ATRNL1: variants seen among roughly 807,000 people sequenced by gnomAD.
ATRNL1 encodes the protein attractin like 1.
ATRNL1 carries 95 observed loss-of-function variants against 182.7 expected under a neutral mutation model. The observed-to-expected ratio is 0.52, with a 90% CI of 0.44 to 0.62. The LOEUF is 0.62. ATRNL1 is among the 20% of genes least tolerant of loss of function. The pLI, the probability that ATRNL1 is intolerant of heterozygous loss-of-function variation, is 0.00. For missense variants in ATRNL1, 1,471 were observed against 1,679.5 expected (o/e 0.88, Z 2.17); for synonymous variants, 576 against 568.3 (o/e 1.01, Z -0.19).
chr10:115,764,050 G>A (rs960495950), intron 27 of ATRNL1, among the ~76,000 whole-genome samples: 3 of 152,128 alleles, frequency 2.0e-5, no homozygotes, highest in Non-Finnish European at 2.9e-5. Context: ...ACAGGTACTA[G>A]TATTTGTGTT....
intron 13 of ATRNL1, among the ~76,000 whole-genome samples, chr10:115,278,998 C>G (rs998015580): frequency 6.6e-6 from 1 of 151,736 alleles, no homozygotes; most frequent in African/African-American, 2.4e-5. Flanking sequence ...GTCAGGAGAT[C>G]GAGACCATCC....
rs74519902 is a variant in ATRNL1 at position 115,605,821 on chromosome 10, A to G, written c.3795+56285A>G. On this transcript the variant is annotated intron_variant, in intron 26 of 28. Transcript: ENST00000355044. ...ACAGAGTGCGATCAGTCTACAAATA[A>G]TAATAATAATAATAATAATTCAATC... Among the ~76,000 whole-genome samples, 10 of 151,920 alleles carry G rather than the reference A, an allele frequency of 6.6e-5. No individual in the cohort carries two copies. The South Asian group carries it at 2.1e-3, about 31-fold the overall frequency.
chr10:115,346,234 T>C (rs1200720732), intron 19 of ATRNL1, among the ~76,000 whole-genome samples: 2 of 152,172 alleles, frequency 1.3e-5, no homozygotes, highest in Non-Finnish European at 2.9e-5. Flanking sequence ...AATCTGAAAC[T>C]CTATAACCAT....
At chr10:115,700,106 G>A (rs1216295926) in intron 26 of ATRNL1, among the ~76,000 whole-genome samples, 1 of 152,108 alleles carries the variant, frequency 6.6e-6, no homozygotes, top group Admixed American at 6.6e-5. Context: ...CACTTAAGTT[G>A]ACTCAATGTC....
At chr10:115,895,916 C>T (rs978873153) in intron 28 of ATRNL1, among the ~76,000 whole-genome samples, 9 of 152,132 alleles carry the variant, frequency 5.9e-5, no homozygotes, top group Non-Finnish European at 1.3e-4. Context: ...GGGGAAAGAA[C>T]ATATATGAAT....
chr10:115,352,967 C>T (rs1042237058), intron 19 of ATRNL1, among the ~76,000 whole-genome samples: 2 of 152,166 alleles, frequency 1.3e-5, no homozygotes, highest in Admixed American at 1.3e-4. Context: ...TTTGTTGAGA[C>T]TATCTTCCTG....
intron 27 of ATRNL1, among the ~76,000 whole-genome samples, chr10:115,833,690 G>T (rs1185348907): frequency 1.3e-5 from 2 of 152,114 alleles, no homozygotes; most frequent in African/African-American, 4.8e-5. Context: ...CCATTTTACA[G>T]ATGAGGAAAT....
At chr10:115,724,671 A>G (rs549698323) in intron 26 of ATRNL1, among the ~76,000 whole-genome samples, 1 of 152,294 alleles carries the variant, frequency 6.6e-6, no homozygotes, top group South Asian at 2.1e-4. Flanking sequence ...GTATAGGCGT[A>G]GTGTAGGTAC....
In ATRNL1 at chr10:115,468,593, C is replaced by A. The variant is rs192683315; in HGVS notation, c.3497-579C>A. Among the ~76,000 whole-genome samples, 218 of 150,844 alleles carry A rather than the reference C, an allele frequency of 1.4e-3. 1 individual carries two copies. The highest frequency in any genetic ancestry group is 4.6e-3 in the African/African-American group (191 of 41,378). On this transcript the variant is annotated intron_variant, in intron 23 of 28. Transcript: ENST00000355044. ...TTTATTCAGCACTCTATGTGTTTAA[C>A]CAATTGAGCATTTAGCTCATGTTTT...
At chr10:115,684,694 G>A (rs1946162308) in intron 26 of ATRNL1, among the ~76,000 whole-genome samples, 1 of 151,414 alleles carries the variant, frequency 6.6e-6, no homozygotes, top group Admixed American at 6.6e-5. Context: ...CTGAATCTTA[G>A]CATCCTTATC....
rs558273141 is a variant in ATRNL1 at position 115,819,882 on chromosome 10, C to A, written c.3904-27995C>A. 3 of 150,478 alleles carry A rather than the reference C, an allele frequency of 2.0e-5. No homozygotes were observed. The South Asian group carries it at 6.3e-4, about 32-fold the overall frequency. The allele number at this position is 150,478 out of a possible 1,614,324, so 9.3% of individuals were successfully genotyped here. Reference sequence around the variant, plus strand: ...CTTCATTCACGTATAAACTAGAATTCTATTTCCAAGAAATAAGTCAAAAAA... The same window carrying A: ...CTTCATTCACGTATAAACTAGAATTATATTTCCAAGAAATAAGTCAAAAAA... On this transcript the variant is annotated intron_variant, in intron 27 of 28. Transcript: ENST00000355044.
chr10:115,713,072 T>C (rs1310792655), intron 26 of ATRNL1, among the ~76,000 whole-genome samples: 1 of 152,110 alleles, frequency 6.6e-6, no homozygotes, highest in East Asian at 1.9e-4. Context: ...CTTATTTTGC[T>C]GTGGCTGTTG....
At chr10:115,167,205 AT>A (rs1432100873) in intron 7 of ATRNL1, among the ~76,000 whole-genome samples, 4 of 139,874 alleles carry the variant, frequency 2.9e-5, no homozygotes, top group Non-Finnish European at 3.1e-5. Context: ...TCCTTTGACC[AT>A]GTATATGAGG....
chr10:115,110,022 C>G (rs1412602239), intron 1 of ATRNL1, among the ~76,000 whole-genome samples: 1 of 152,036 alleles, frequency 6.6e-6, no homozygotes, highest in Non-Finnish European at 1.5e-5. Context: ...TAAAATCAAA[C>G]TAATCTGTAC....
Position 115,851,117 on chromosome 10 carries a change from T to TA in ATRNL1, c.4018+3130dup, listed in dbSNP as rs1555100393. Among the ~76,000 whole-genome samples, 640 of 66,262 alleles carry TA rather than the reference T, an allele frequency of 9.7e-3. 3 individuals carry two copies. The highest frequency in any genetic ancestry group is 0.076 in the Middle Eastern group (9 of 118). The allele number at this position is 66,262 out of a possible 152,430, so 43.5% of individuals were successfully genotyped here. A position where few individuals can be genotyped will look rare whatever the true frequency, so the allele number is the denominator to read the frequency against. On this transcript the variant is annotated intron_variant, in intron 28 of 28. Transcript: ENST00000355044. ...GCTCCTTGTTTGAAATGTAGCTTAC[T>TA]AAAATTTTTTTTTTATCAGGCTCCT...
intron 27 of ATRNL1, among the ~76,000 whole-genome samples, chr10:115,818,229 A>C (rs1283662501): frequency 7.1e-6 from 1 of 141,228 alleles, no homozygotes; most frequent in Non-Finnish European, 1.5e-5. Context: ...TTTACTCACT[A>C]GTTTCAGTTT....
intron 27 of ATRNL1, among the ~76,000 whole-genome samples, chr10:115,755,417 A>T (rs188635273): frequency 3.4e-4 from 52 of 152,260 alleles, no homozygotes; most frequent in African/African-American, 1.2e-3. Context: ...TTCTGCATCT[A>T]TTGAGATAAT....
At chr10:115,405,170 G>C (rs1844758303) in intron 20 of ATRNL1, among the ~76,000 whole-genome samples, 1 of 152,104 alleles carries the variant, frequency 6.6e-6, no homozygotes, top group South Asian at 2.1e-4. Flanking sequence ...TTATTATTAA[G>C]TTATCTTGAA....
intron 26 of ATRNL1, among the ~76,000 whole-genome samples, chr10:115,652,552 G>C (rs143776676): frequency 1.3e-5 from 2 of 151,986 alleles, no homozygotes; most frequent in African/African-American, 4.8e-5. Flanking sequence ...ACATATTTAC[G>C]ATAACTAGAA....
Sources: gnomAD v4.1 joint callset for allele counts (sites outside exome capture counted in the v4.1 genomes callset) on GRCh38, gnomAD v4.1.1 for gene constraint, MANE v1.5 for transcripts, NCBI Gene and HGNC (gene_info 2026-07-23, HGNC 2026-07-21) for gene names.